The following CSTPP1 variants were observed in gnomAD, a reference collection of about 807,000 sequenced individuals.
The protein encoded by CSTPP1 is centriolar satellite-associated tubulin polyglutamylase complex regulator 1, also known as UPF0705 protein C11orf49.
the CSTPP1 span, among the ~76,000 whole-genome samples, chr11:47,159,248 G>A: frequency 1.3e-5 from 2 of 152,102 alleles, no homozygotes; most frequent in Non-Finnish European, 2.9e-5. Context: ...GGTGCCTCAC[G>A]CCTGTAATCC....
the CSTPP1 span, among the ~76,000 whole-genome samples, chr11:47,117,443 T>C: frequency 1.3e-5 from 2 of 152,156 alleles, no homozygotes; most frequent in Non-Finnish European, 2.9e-5. Context: ...TCTTTAAGAA[T>C]GTTGAATATT....
At chr11:47,069,735 G>T in the CSTPP1 span, among the ~76,000 whole-genome samples, 1 of 151,816 alleles carries the variant, frequency 6.6e-6, no homozygotes, top group Non-Finnish European at 1.5e-5. Flanking sequence ...TTGAGACAGA[G>T]TCTCACTCTG....
chr11:47,112,655 T>C, the CSTPP1 span, among the ~76,000 whole-genome samples: 2 of 152,138 alleles, frequency 1.3e-5, no homozygotes, highest in African/African-American at 4.8e-5. Context: ...TCATTATCTG[T>C]CTTCCCCACT....
chr11:47,066,154 C>T, the CSTPP1 span, among the ~76,000 whole-genome samples: 1 of 142,282 alleles, frequency 7.0e-6, no homozygotes, highest in Non-Finnish European at 1.5e-5. Flanking sequence ...CTGGCTAGAA[C>T]TTCCTGTACT....
At chr11:47,099,524 A>G in the CSTPP1 span, among the ~76,000 whole-genome samples, 1 of 152,170 alleles carries the variant, frequency 6.6e-6, no homozygotes, top group African/African-American at 2.4e-5. Context: ...TTCTTTTCCT[A>G]AAGTTGTATT....
chr11:47,056,043 T>A, the CSTPP1 span, among the ~76,000 whole-genome samples: 1 of 152,224 alleles, frequency 6.6e-6, no homozygotes, highest in East Asian at 1.9e-4. Context: ...TTAGACCACC[T>A]AGTACAGTCG....
chr11:47,162,075 C>G, the CSTPP1 span: 2 of 988,840 alleles, frequency 2.0e-6, no homozygotes, highest in Non-Finnish European at 2.4e-6. Flanking sequence ...GACGCAAGTA[C>G]CAGGAGGACA....
the CSTPP1 span, among the ~76,000 whole-genome samples, chr11:47,016,726 G>A: frequency 6.6e-6 from 1 of 152,038 alleles, no homozygotes; most frequent in Non-Finnish European, 1.5e-5. Context: ...TAGGGTCAAA[G>A]GAAACTTTGG....
the CSTPP1 span, among the ~76,000 whole-genome samples, chr11:47,132,299 T>G: frequency 6.6e-6 from 1 of 152,178 alleles, no homozygotes; most frequent in Non-Finnish European, 1.5e-5. Context: ...AGGCATGTTT[T>G]TATTTATTCA....
chr11:47,027,620 T>C, the CSTPP1 span, among the ~76,000 whole-genome samples: 5 of 152,222 alleles, frequency 3.3e-5, no homozygotes, highest in Non-Finnish European at 5.9e-5. Flanking sequence ...AAAAATCTTG[T>C]TATGAAACAC....
chr11:47,081,589 C>T, the CSTPP1 span, among the ~76,000 whole-genome samples: 1 of 152,146 alleles, frequency 6.6e-6, no homozygotes, highest in Non-Finnish European at 1.5e-5. Flanking sequence ...CTCTTCATCA[C>T]CAGCACATTT....
At chr11:47,155,555 C>G in the CSTPP1 span, 1 of 479,772 alleles carries the variant, frequency 2.1e-6, no homozygotes, top group Non-Finnish European at 3.8e-6. Flanking sequence ...TCCATAGCAT[C>G]CACAGCATTC....
the CSTPP1 span, among the ~76,000 whole-genome samples, chr11:46,938,634 T>G: frequency 6.6e-6 from 1 of 151,884 alleles, no homozygotes; most frequent in East Asian, 1.9e-4. Flanking sequence ...AGTGTGTAAA[T>G]TTTTCAGATG....
At chr11:46,983,420 A>C in the CSTPP1 span, among the ~76,000 whole-genome samples, 1 of 152,222 alleles carries the variant, frequency 6.6e-6, no homozygotes, top group African/African-American at 2.4e-5. Context: ...ACAATTGGGC[A>C]TTAGTGTGAA....
chr11:47,153,926 G>A, the CSTPP1 span, among the ~76,000 whole-genome samples: 1 of 152,072 alleles, frequency 6.6e-6, no homozygotes, highest in Non-Finnish European at 1.5e-5. Context: ...AAAAATATGA[G>A]AGAGCAAAAG....
At chr11:47,148,102 A>C in the CSTPP1 span, among the ~76,000 whole-genome samples, 1 of 152,198 alleles carries the variant, frequency 6.6e-6, no homozygotes, top group East Asian at 1.9e-4. Context: ...CCTCCAACAC[A>C]GTCCAGAAGA....
chr11:46,948,325 C>T, the CSTPP1 span, among the ~76,000 whole-genome samples: 1 of 152,202 alleles, frequency 6.6e-6, no homozygotes, highest in Non-Finnish European at 1.5e-5. Flanking sequence ...GGTATATCAG[C>T]ATGTTAACTG....
chr11:47,063,098 A>G, the CSTPP1 span, among the ~76,000 whole-genome samples: 1 of 152,194 alleles, frequency 6.6e-6, no homozygotes, highest in African/African-American at 2.4e-5. Context: ...TAATTCAGTC[A>G]GGAGCTTTTT....
chr11:46,956,501 G>A, the CSTPP1 span, among the ~76,000 whole-genome samples: 14 of 152,204 alleles, frequency 9.2e-5, no homozygotes, highest in African/African-American at 3.1e-4. Context: ...CAGTAACTTG[G>A]GGGGCAGCAT....
Sources: allele counts gnomAD v4.1 joint callset (sites outside exome capture counted in the v4.1 genomes callset), GRCh38; gene constraint gnomAD v4.1.1; transcripts MANE v1.5; gene names NCBI Gene and HGNC (gene_info 2026-07-23, HGNC 2026-07-21).